KIF6: variants seen among roughly 807,000 people sequenced by gnomAD.
KIF6 encodes the protein kinesin family member 6.
KIF6 carries 106 observed loss-of-function variants against 112.7 expected under a neutral mutation model. The ratio of observed to expected loss-of-function variants is 0.94; its 90% CI spans 0.80 to 1.11. The LOEUF is 1.11. KIF6 is among the 50% of genes least tolerant of loss of function. KIF6 has a pLI of 0.00. For missense variants in KIF6, 929 were observed against 964.0 expected (o/e 0.96, Z 0.48); for synonymous variants, 339 against 339.9 (o/e 1.00, Z 0.03).
In KIF6 at chr6:39,342,818, C is replaced by T. The variant is rs998365741; in HGVS notation, c.2428+891G>A. 61 of 985,326 alleles carry T rather than the reference C, an allele frequency of 6.2e-5. No individual in the cohort carries two copies. The highest frequency in any genetic ancestry group is 8.7e-5 in the African/African-American group (5 of 57,302). The allele number at this position is 985,326 out of a possible 1,614,324, so 61.0% of individuals were successfully genotyped here. ...CCAAGGCCGGCTCTCAGTTGCGGCG[C>T]TCCATCCATGCACAAACCTCTTCCT... On this transcript the variant is annotated intron_variant, in intron 22 of 22. Transcript: ENST00000287152. The surrounding 1 kb of genome is among the most constrained non-coding windows in gnomAD (Gnocchi z 4.7).
At chr6:39,632,727 C>T (rs560239066) in intron 5 of KIF6, among the ~76,000 whole-genome samples, 13 of 152,136 alleles carry the variant, frequency 8.5e-5, no homozygotes, top group African/African-American at 3.1e-4. Context: ...CGGGTTCAAG[C>T]GATTCTCCTG....
intron 10 of KIF6, among the ~76,000 whole-genome samples, chr6:39,548,279 C>T (rs2150574564): frequency 6.6e-6 from 1 of 152,318 alleles, no homozygotes; most frequent in Admixed American, 6.5e-5. Context: ...TGAGCTGGAC[C>T]ACTCACAGAT....
chr6:39,687,963 T>C (rs981578220), intron 3 of KIF6, among the ~76,000 whole-genome samples: 4 of 152,192 alleles, frequency 2.6e-5, no homozygotes, highest in African/African-American at 7.2e-5. Flanking sequence ...TGTGTGTGTG[T>C]ATATACAGGG....
At chr6:39,542,707 T>C (rs571660131) in intron 12 of KIF6, among the ~76,000 whole-genome samples, 1 of 152,336 alleles carries the variant, frequency 6.6e-6, no homozygotes, top group Admixed American at 6.5e-5. Context: ...CTGAGATTGC[T>C]TATTGTCTTC....
At chr6:39,630,737 A>T (rs1784311603) in intron 5 of KIF6, among the ~76,000 whole-genome samples, 1 of 152,008 alleles carries the variant, frequency 6.6e-6, no homozygotes. Flanking sequence ...AGAGGGACAT[A>T]CTTTCCTTGT....
chr6:39,333,350 C>T lies in KIF6; in HGVS notation c.*3182G>A, dbSNP rs1413271124. The T allele has an allele frequency of 6.6e-6, 1 of 152,238 alleles. No individual in the cohort carries two copies. The highest frequency in any genetic ancestry group is 2.4e-5 in the African/African-American group (1 of 41,452). The allele number at this position is 152,238 out of a possible 1,614,324, so 9.4% of individuals were successfully genotyped here. On this transcript the variant is annotated 3_prime_UTR_variant, in exon 23 of 23. Coordinates refer to ENST00000287152, the MANE Select transcript of KIF6 (RefSeq NM_145027.6). ...AACCTCAGTGGTTTATGACAAGCAGCATATATTCTCATGCCAATAGGTCTT... is the reference window on the plus strand; with the variant it reads ...AACCTCAGTGGTTTATGACAAGCAGTATATATTCTCATGCCAATAGGTCTT...
intron 3 of KIF6, among the ~76,000 whole-genome samples, chr6:39,675,500 A>G (rs1199789331): frequency 6.6e-6 from 1 of 152,172 alleles, no homozygotes; most frequent in Admixed American, 6.6e-5. Context: ...AGAAGCAAAA[A>G]TAAATCTACT....
intron 3 of KIF6, among the ~76,000 whole-genome samples, chr6:39,699,559 C>A (rs1475857708): frequency 1.3e-5 from 2 of 152,112 alleles, no homozygotes; most frequent in Non-Finnish European, 2.9e-5. Flanking sequence ...TGGAAGCTGG[C>A]CTTTTTGGCA....
intron 6 of KIF6, among the ~76,000 whole-genome samples, chr6:39,607,100 G>C (rs1782931874): frequency 6.6e-6 from 1 of 152,074 alleles, no homozygotes; most frequent in African/African-American, 2.4e-5. Context: ...ATACTGAATA[G>C]AGTAAAAGTG....
At chr6:39,473,728 T>C (rs1005697843) in intron 13 of KIF6, among the ~76,000 whole-genome samples, 1 of 152,208 alleles carries the variant, frequency 6.6e-6, no homozygotes, top group African/African-American at 2.4e-5. Context: ...CACAACAGGA[T>C]AAATGATTCT....
At chr6:39,570,926 CTAAT>C (rs1780608104) in intron 10 of KIF6, among the ~76,000 whole-genome samples, 1 of 152,184 alleles carries the variant, frequency 6.6e-6, no homozygotes, top group African/African-American at 2.4e-5. Flanking sequence ...GACTAATACA[CTAAT>C]TATTACATAC....
At chr6:39,454,425 AAAT>A (rs1318085496) in intron 13 of KIF6, among the ~76,000 whole-genome samples, 3 of 152,058 alleles carry the variant, frequency 2.0e-5, no homozygotes, top group Non-Finnish European at 4.4e-5. Flanking sequence ...CATTTTCCAG[AAAT>A]AATAAATATG....
intron 15 of KIF6, among the ~76,000 whole-genome samples, chr6:39,418,726 C>T (rs556809759): frequency 1.3e-5 from 2 of 152,324 alleles, no homozygotes; most frequent in East Asian, 3.9e-4. Flanking sequence ...CTGGGTCTGG[C>T]TGCCTCAGCC....
chr6:39,681,582 C>G (rs1176718430), intron 3 of KIF6, among the ~76,000 whole-genome samples: 2 of 152,110 alleles, frequency 1.3e-5, no homozygotes, highest in Non-Finnish European at 2.9e-5. Flanking sequence ...ATCCTTCAGC[C>G]AGAAACAAAC....
rs139887714 is a variant in KIF6 at position 39,584,500 on chromosome 6, G to C, written c.1077+398C>G. 2.5e-4 allele frequency among the ~76,000 whole-genome samples: 32 copies of C among 127,716 alleles called. 1 individual carries two copies. The East Asian group carries it at 7.5e-3, about 30-fold the overall frequency. 83.8% of individuals were successfully genotyped at this position (127,716 alleles called of 152,430 possible). On this transcript the variant is annotated intron_variant, in intron 9 of 22. Transcript: ENST00000287152. Reference sequence around the variant, plus strand: ...CTAGATAGTTAAACTGATGTATTTTGAAAGGCTAAGTTCTGCATATAGATG... The same window carrying C: ...CTAGATAGTTAAACTGATGTATTTTCAAAGGCTAAGTTCTGCATATAGATG...
intron 13 of KIF6, among the ~76,000 whole-genome samples, chr6:39,528,003 T>C (rs1042637404): frequency 4.6e-5 from 7 of 152,236 alleles, no homozygotes; most frequent in African/African-American, 1.4e-4. Flanking sequence ...CTGTCAGCAA[T>C]TTTGAAATGT....
At position 39,565,250 on chromosome 6, in the gene KIF6, A is replaced by G. The variant is rs6458118; in HGVS notation, c.1181+12806T>C. 7.5e-3 allele frequency among the ~76,000 whole-genome samples: 1,136 copies of G among 152,298 alleles called. 17 individuals carry two copies. Among genetic ancestry groups the G allele is most frequent in the African/African-American group, 0.026 (1,095 of 41,544 alleles). ...TTTGTGCTCCTGATCTTTATTGCTC[A>G]TTTTGTATATGATCATTTACTTGCC... On this transcript the variant is annotated intron_variant, in intron 10 of 22. Coordinates refer to ENST00000287152, the MANE Select transcript of KIF6 (RefSeq NM_145027.6).
In KIF6 at chr6:39,544,544, A is replaced by G. The variant is rs1778965735; in HGVS notation, c.1426+11T>C. ...ATAGAGGAAGTTTCTTCATCACTTC[A>G]GAAAGGATACTGATTTCGTTATCTC... On this transcript the variant is annotated intron_variant, in intron 12 of 22. Transcript: ENST00000287152. 1 of 1,610,052 alleles carries G rather than the reference A, an allele frequency of 6.2e-7. No individual in the cohort carries two copies. The highest frequency in any genetic ancestry group is 1.1e-5 in the South Asian group (1 of 90,028).
At chr6:39,719,969 C>T (rs1194793495) in intron 2 of KIF6, among the ~76,000 whole-genome samples, 3 of 152,040 alleles carry the variant, frequency 2.0e-5, no homozygotes, top group Non-Finnish European at 4.4e-5. Flanking sequence ...GGTGACAGAG[C>T]AGGACCCCAT....
Sources: allele counts gnomAD v4.1 joint callset (sites outside exome capture counted in the v4.1 genomes callset), GRCh38; gene constraint gnomAD v4.1.1; non-coding constraint Gnocchi (gnomAD v3.1); transcripts MANE v1.5; gene names NCBI Gene and HGNC (gene_info 2026-07-23, HGNC 2026-07-21).